Variants in SEMA4F observed in about 807,000 individuals in gnomAD.
SEMA4F encodes the protein semaphorin-4F.
In SEMA4F, 51 loss-of-function variants were observed where a neutral mutation model predicts 78.4. The observed-to-expected ratio is 0.65, with a 90% CI of 0.52 to 0.82. The LOEUF is 0.82. SEMA4F is among the 40% of genes least tolerant of loss of function. The pLI is 0.00. For synonymous variants in SEMA4F, 418 were observed against 408.7 expected, an observed-to-expected ratio of 1.02 and a Z score of -0.27; for missense variants, 938 against 1,014.4, an observed-to-expected ratio of 0.92 and a Z score of 1.02.
downstream of SEMA4F, among the ~76,000 whole-genome samples, chr2:74,684,902 G>A (rs976156748): frequency 1.3e-5 from 2 of 152,250 alleles, no homozygotes; most frequent in African/African-American, 2.4e-5. Context: ...AGCCTGGGAG[G>A]TGGAGGCTGA....
intron 5 of SEMA4F, 103 bp from the exon 6 acceptor site, chr2:74,673,354 C>G: frequency 7.1e-7 from 1 of 1,414,378 alleles, no homozygotes; most frequent in Non-Finnish European, 9.8e-7. Context: ...GGTGTTTAGT[C>G]CCTGAGAGTC....
Position 74,656,652 on chromosome 2 carries a change from A to G in SEMA4F, c.264A>G (p.Leu88=). 3.7e-6 allele frequency: 6 copies of G among 1,614,120 alleles called. No individual in the cohort carries two copies. The highest frequency in any genetic ancestry group is 1.1e-5 in the South Asian group (1 of 91,078). ...YVGARDTIFA[L]SLPFSGERPR... Reference sequence around the variant, plus strand: ...GCGCCCGGGACACCATCTTCGCTTTATCCCTGCCCTTCTCAGGGGAGAGAC... The same window carrying G: ...GCGCCCGGGACACCATCTTCGCTTTGTCCCTGCCCTTCTCAGGGGAGAGAC... The change falls in exon 2 of 14, where the codon TTA becomes TTG. Residue 88 remains leucine, a synonymous_variant. Coordinates refer to ENST00000357877, the MANE Select transcript of SEMA4F (RefSeq NM_004263.5).
intron 12 of SEMA4F, among the ~76,000 whole-genome samples, chr2:74,677,535 A>T (rs920945692): frequency 5.3e-5 from 8 of 152,228 alleles, no homozygotes; most frequent in African/African-American, 1.4e-4. Flanking sequence ...CATATATTTT[A>T]AAAAGTTTAT....
chr2:74,709,286 GA>G, the SEMA4F span, among the ~76,000 whole-genome samples: 2 of 152,222 alleles, frequency 1.3e-5, no homozygotes, highest in Non-Finnish European at 2.9e-5. Flanking sequence ...TTTTTCATCA[GA>G]AACTGTGGAG....
intron 1 of SEMA4F, chr2:74,655,249 C>G (rs1486894436): frequency 2.7e-6 from 1 of 364,824 alleles, no homozygotes. Flanking sequence ...TAAAGTTCTG[C>G]TTAAATGATT....
chr2:74,684,044 A>G (rs527553405), downstream of SEMA4F, among the ~76,000 whole-genome samples: 37 of 151,976 alleles, frequency 2.4e-4, no homozygotes, highest in African/African-American at 8.4e-4. Context: ...TGCAGGAGTC[A>G]TCCCCCTAAT....
chr2:74,702,094 A>T, the SEMA4F span, among the ~76,000 whole-genome samples: 1 of 152,144 alleles, frequency 6.6e-6, no homozygotes, highest in Non-Finnish European at 1.5e-5. Context: ...ATTTAACACA[A>T]TCATCAGGAT....
At chr2:74,668,516 C>T (rs1440175518) in intron 5 of SEMA4F, among the ~76,000 whole-genome samples, 1 of 151,708 alleles carries the variant, frequency 6.6e-6, no homozygotes, top group Non-Finnish European at 1.5e-5. Context: ...AAGGAAAAGA[C>T]TTTTTGAGTA....
At position 74,658,525 on chromosome 2, in the gene SEMA4F, G is replaced by A. The variant is rs190180141; in HGVS notation, c.456+574G>A. 2.0e-5 allele frequency among the ~76,000 whole-genome samples: 3 copies of A among 152,314 alleles called. No homozygotes were observed. The highest frequency in any genetic ancestry group is 6.5e-5 in the Admixed American group (1 of 15,306). Reference sequence around the variant, plus strand: ...ATATTCTGGATCTTGCCTTCAGGGCGGGCACTCTGTCAATCATGTTTTCTT... The same window carrying A: ...ATATTCTGGATCTTGCCTTCAGGGCAGGCACTCTGTCAATCATGTTTTCTT... On this transcript the variant is annotated intron_variant, in intron 4 of 13. Transcript: ENST00000357877. This position sits in a 1 kb window ranked among gnomAD's most constrained non-coding sequence, Gnocchi z 4.3.
chr2:74,704,304 G>A, the SEMA4F span, among the ~76,000 whole-genome samples: 5 of 149,474 alleles, frequency 3.3e-5, no homozygotes, highest in Non-Finnish European at 1.5e-5. Flanking sequence ...TTTTCTCATG[G>A]CTATTTGGCC....
At chr2:74,703,608 C>T in the SEMA4F span, among the ~76,000 whole-genome samples, 2 of 152,158 alleles carry the variant, frequency 1.3e-5, no homozygotes, top group Admixed American at 6.5e-5. Context: ...GGGGAGATAC[C>T]GTAACGGGCA....
At chr2:74,669,401 C>G (rs1684860792) in intron 5 of SEMA4F, among the ~76,000 whole-genome samples, 1 of 151,910 alleles carries the variant, frequency 6.6e-6, no homozygotes, top group Non-Finnish European at 1.5e-5. Context: ...CTGGCCTACA[C>G]AGTGAAACCC....
the SEMA4F span, among the ~76,000 whole-genome samples, chr2:74,697,802 G>A: frequency 7.2e-5 from 11 of 152,180 alleles, no homozygotes; most frequent in Middle Eastern, 3.4e-3. Flanking sequence ...ATTCATCTTC[G>A]TACCTGGAAC....
intron 5 of SEMA4F, among the ~76,000 whole-genome samples, chr2:74,668,096 C>T (rs1290966074): frequency 2.0e-5 from 3 of 152,190 alleles, no homozygotes; most frequent in South Asian, 2.1e-4. Flanking sequence ...CACTCAGGTA[C>T]CCAAGCTAGA....
rs986786458 is a variant in SEMA4F at position 74,682,166 on chromosome 2, C to G, written c.*1957C>G. On this transcript the variant is annotated 3_prime_UTR_variant, in exon 14 of 14. Transcript: ENST00000357877. ...GCATGGTGGCTTACGCCTGTAATCC[C>G]AGCACTTTGGGAGGCCAAGGCAGGT... 9.9e-5 allele frequency: 15 copies of G among 152,278 alleles called. No individual in the cohort carries two copies. Among genetic ancestry groups the G allele is most frequent in the African/African-American group, 3.1e-4 (13 of 41,464 alleles). The allele number at this position is 152,278 out of a possible 1,614,324, so 9.4% of individuals were successfully genotyped here.
At chr2:74,677,429 G>A (rs879282202) in intron 12 of SEMA4F, among the ~76,000 whole-genome samples, 9 of 151,710 alleles carry the variant, frequency 5.9e-5, no homozygotes, top group Non-Finnish European at 1.0e-4. Flanking sequence ...TAACATACAA[G>A]GGCTTTAAAA....
At chr2:74,704,308 T>G in the SEMA4F span, among the ~76,000 whole-genome samples, 41,170 of 148,180 alleles carry the variant, frequency 0.28, 8,536 homozygotes, top group East Asian at 0.82. Context: ...CTCATGGCTA[T>G]TTGGCCTTCA....
intron 5 of SEMA4F, among the ~76,000 whole-genome samples, chr2:74,665,977 G>A (rs761567096): frequency 1.3e-5 from 2 of 150,734 alleles, no homozygotes; most frequent in African/African-American, 4.9e-5. Context: ...GCGCCATCTC[G>A]GCTCACTGCA....
intron 1 of SEMA4F, chr2:74,655,204 C>T (rs1684064700): frequency 3.5e-6 from 1 of 289,598 alleles, no homozygotes; most frequent in Admixed American, 4.3e-5. Flanking sequence ...CCATTCCCTA[C>T]ATTGAATATT....
Sources: allele counts gnomAD v4.1 joint callset (sites outside exome capture counted in the v4.1 genomes callset), GRCh38; gene constraint gnomAD v4.1.1; non-coding constraint Gnocchi (gnomAD v3.1); transcripts MANE v1.5; gene names NCBI Gene and HGNC (gene_info 2026-07-23, HGNC 2026-07-21).